Variants in AP3B2 observed in about 807,000 individuals in gnomAD.
AP3B2 encodes the protein AP-3 complex subunit beta-2.
In AP3B2, 50 loss-of-function variants were observed where a neutral mutation model predicts 126.9. That is an observed-to-expected ratio of 0.39 (90% CI 0.31 to 0.50). The LOEUF is 0.50. Ranked by LOEUF, AP3B2 falls within the 20% of genes least tolerant of loss-of-function variation. The pLI is 0.79. For synonymous variants in AP3B2, 541 were observed against 565.0 expected (o/e 0.96, Z 0.60); for missense variants, 1,177 against 1,426.4 (o/e 0.83, Z 2.82).
At chr15:82,679,555 C>T (rs898511725) in intron 10 of AP3B2, among the ~76,000 whole-genome samples, 174 bp downstream of exon 10, 10 of 152,166 alleles carry the variant, frequency 6.6e-5, no homozygotes, top group African/African-American at 2.4e-4. Context: ...CCCTTCTCCC[C>T]CTGACCCTCC....
Position 82,663,831 on chromosome 15 carries a change from C to G in AP3B2, c.2406G>C (p.Gln802His). The change falls in exon 20 of 27, where the codon CAG (glutamine) becomes CAC (histidine). Residue 802 changes from glutamine (Q) to histidine (H), a missense_variant. By Grantham distance (24) the Gln-to-His change is conservative. This residue lies in a region of AP3B2 where 587 missense variants were observed against 571.3 expected (regional missense o/e 1.03). Transcript: ENST00000535359. ...SEMTSESEEE[Q>H]LEPASWSRKT... Reference sequence around the variant, plus strand: ...TCCTGCTCCAGGAGGCAGGTTCTAACTGCTCCTCCTCGGACTCCGATGTCA... The same window carrying G: ...TCCTGCTCCAGGAGGCAGGTTCTAAGTGCTCCTCCTCGGACTCCGATGTCA... The G allele has an allele frequency of 6.2e-7, 1 of 1,613,778 alleles. No individual in the cohort carries two copies. The highest frequency in any genetic ancestry group is 8.5e-7 in the Non-Finnish European group (1 of 1,179,784).
intron 1 of AP3B2, among the ~76,000 whole-genome samples, chr15:82,701,164 A>C (rs1479448893): frequency 6.6e-6 from 1 of 152,132 alleles, no homozygotes; most frequent in East Asian, 1.9e-4. Context: ...CCCAGTCTCC[A>C]TCTGCATTTA....
chr15:82,697,203 G>A (rs956768940), intron 1 of AP3B2, among the ~76,000 whole-genome samples: 6 of 152,070 alleles, frequency 3.9e-5, no homozygotes, highest in Non-Finnish European at 8.8e-5. Flanking sequence ...GTGTGGTGGC[G>A]GGCGTCTGTA....
intron 1 of AP3B2, 95 bp downstream of exon 1, chr15:82,709,499 C>A: frequency 1.2e-6 from 1 of 855,854 alleles, no homozygotes; most frequent in South Asian, 5.4e-5. Context: ...CGGGGCGGGG[C>A]CGGCGCTGGG....
rs529938939 is a variant in AP3B2 at position 82,690,990 on chromosome 15, T to C, written c.114-1537A>G. Among the ~76,000 whole-genome samples the C allele has an allele frequency of 4.3e-4, 48 of 111,370 alleles. No homozygotes were observed. The Middle Eastern group carries it at 0.015, about 34-fold the overall frequency. 73.1% of individuals were successfully genotyped at this position (111,370 alleles called of 152,430 possible). A position where few individuals can be genotyped will look rare whatever the true frequency, so the allele number is the denominator to read the frequency against. On this transcript the variant is annotated intron_variant, in intron 1 of 26. Coordinates refer to ENST00000535359, the MANE Select transcript of AP3B2 (RefSeq NM_001278512.2). Reference sequence around the variant, plus strand: ...CCACCGCACCCAGCCATGCCACATGTTCTTAATCCAGTCTATCACTGATGG... The same window carrying C: ...CCACCGCACCCAGCCATGCCACATGCTCTTAATCCAGTCTATCACTGATGG...
At chr15:82,708,503 C>T (rs1016920814) in intron 1 of AP3B2, among the ~76,000 whole-genome samples, 1 of 152,030 alleles carries the variant, frequency 6.6e-6, no homozygotes, top group Non-Finnish European at 1.5e-5. Context: ...AATCTTCTGC[C>T]TCTCCCCTGG....
At position 82,665,784 on chromosome 15, in the gene AP3B2, C is replaced by G. The variant is rs1384311265; in HGVS notation, c.1853-209G>C. On this transcript the variant is annotated intron_variant, in intron 15 of 26. Transcript: ENST00000535359. This position sits in a 1 kb window ranked among gnomAD's most constrained non-coding sequence, Gnocchi z 4.4. ...AAAAGGCTGTCTGGCCAGGCCAGAG[C>G]AGGGACTGAGGGCCAGGGAAAGGCA... 6.6e-6 allele frequency among the ~76,000 whole-genome samples: 1 copy of G among 152,174 alleles called. No individual in the cohort carries two copies. Among genetic ancestry groups the G allele is most frequent in the African/African-American group, 2.4e-5 (1 of 41,434 alleles).
chr15:82,695,253 CCACACCTGG>C (rs1189707234), intron 1 of AP3B2, among the ~76,000 whole-genome samples: 1 of 152,024 alleles, frequency 6.6e-6, no homozygotes, highest in African/African-American at 2.4e-5. Context: ...TTGCCCACCA[CCACACCTGG>C]CAAATTTTTG....
intron 1 of AP3B2, among the ~76,000 whole-genome samples, chr15:82,704,106 G>C (rs754592018): frequency 2.2e-4 from 33 of 152,060 alleles, no homozygotes; most frequent in Non-Finnish European, 7.4e-5. Context: ...TCCTTTATCC[G>C]ACCTCTGCCA....
chr15:82,700,412 T>TTTTTTTTTTTTTTTTTTTTTTG (rs2048701476), intron 1 of AP3B2, among the ~76,000 whole-genome samples: 1 of 130,428 alleles, frequency 7.7e-6, no homozygotes, highest in Non-Finnish European at 1.6e-5. Flanking sequence ...TTTTTTTTTT[T>TTTTTTTTTTTTTTTTTTTTTTG]TTTCAGATGG....
Position 82,677,700 on chromosome 15 carries a change from C to A in AP3B2, c.1349G>T (p.Gly450Val). ...ACGGTTGGACAGCAGCTGCACCAGG[C>A]CATTGAGGCAGGTGTCACGGACTCG... The part of the protein sequence containing the change: ...IGRVRDTCLN[G>V]LVQLLSNRDE... The change falls in exon 12 of 27, where the codon GGC becomes GTC. Residue 450 changes from glycine to valine, a missense_variant. Transcript: ENST00000535359. 6.3e-7 allele frequency: 1 copy of A among 1,585,068 alleles called. No homozygotes were observed. The highest frequency in any genetic ancestry group is 8.6e-7 in the Non-Finnish European group (1 of 1,165,452).
chr15:82,676,985 C>G (rs1021871168), intron 13 of AP3B2, among the ~76,000 whole-genome samples: 1 of 152,166 alleles, frequency 6.6e-6, no homozygotes, highest in Non-Finnish European at 1.5e-5. Flanking sequence ...TTCAGCTTAG[C>G]AGTGCGATAG....
chr15:82,685,935 C>G (rs950370440), intron 4 of AP3B2: 2 of 152,086 alleles, frequency 1.3e-5, no homozygotes, highest in African/African-American at 4.8e-5. Flanking sequence ...AAGATCCTTC[C>G]TAACAAGATA....
At chr15:82,677,932 T>G in intron 11 of AP3B2, 129 bp from the exon 12 acceptor site, 2 of 1,333,010 alleles carry the variant, frequency 1.5e-6, no homozygotes, top group Middle Eastern at 3.9e-4. Flanking sequence ...GGGTGACAAC[T>G]CCACCCCCAA....
chr15:82,689,256 G>A, intron 2 of AP3B2, 24 bp from the exon 3 acceptor site: 2 of 1,613,872 alleles, frequency 1.2e-6, no homozygotes, highest in South Asian at 1.1e-5. Context: ...TCAAGGTAGG[G>A]GAAGAGGGAC....
chr15:82,664,372 A>G lies in AP3B2; in HGVS notation c.2256T>C (p.Ser752=). 6.2e-7 allele frequency: 1 copy of G among 1,613,570 alleles called. No homozygotes were observed. The highest frequency in any genetic ancestry group is 1.1e-5 in the South Asian group (1 of 91,052). The change falls in exon 19 of 27, where the codon AGT becomes AGC. Residue 752 remains serine (S), a synonymous_variant. Coordinates refer to ENST00000535359, the MANE Select transcript of AP3B2 (RefSeq NM_001278512.2). This position sits in a 1 kb window ranked among gnomAD's most constrained non-coding sequence, Gnocchi z 4.5. ...QDEDEEKGRG[S]ESEQSEEDGK... ...CTGGCTAGCTCCCTTCTCACCTCTC[A>G]CTGCCTCTCCCTTTCTCCTCATCCT...
chr15:82,665,010 C>T lies in AP3B2; in HGVS notation c.2029-67G>A. On this transcript the variant is annotated intron_variant, in intron 17 of 26. Coordinates refer to ENST00000535359, the MANE Select transcript of AP3B2 (RefSeq NM_001278512.2). The surrounding 1 kb of genome is among the most constrained non-coding windows in gnomAD (Gnocchi z 4.4). The stretch of plus-strand genomic sequence containing the variant: ...GGGGAGAAGGCAGGCAGGCACAAGC[C>T]CTTACCCTTTATTCCACCTCTTTGT... 1 of 1,286,722 alleles carries T rather than the reference C, an allele frequency of 7.8e-7. No individual in the cohort carries two copies. Among genetic ancestry groups the T allele is most frequent in the Non-Finnish European group, 1.1e-6 (1 of 905,202 alleles). 79.7% of individuals were successfully genotyped at this position (1,286,722 alleles called of 1,614,324 possible). A position where few individuals can be genotyped will look rare whatever the true frequency, so the allele number is the denominator to read the frequency against.
Position 82,664,107 on chromosome 15 carries a change from T to C in AP3B2, c.2262-132A>G, listed in dbSNP as rs2048008481. The C allele has an allele frequency of 2.1e-6, 3 of 1,408,952 alleles. No homozygotes were observed. Among genetic ancestry groups the C allele is most frequent in the African/African-American group, 2.9e-5 (2 of 69,376 alleles). 87.3% of individuals were successfully genotyped at this position (1,408,952 alleles called of 1,614,324 possible). Reference sequence around the variant, plus strand: ...CCAGGAGGGTTCACACCTGAGGTCCTATAGCAGGGACCCCGTGAGAGCTTG... The same window carrying C: ...CCAGGAGGGTTCACACCTGAGGTCCCATAGCAGGGACCCCGTGAGAGCTTG... On this transcript the variant is annotated intron_variant, in intron 19 of 26. Coordinates refer to ENST00000535359, the MANE Select transcript of AP3B2 (RefSeq NM_001278512.2). This position sits in a 1 kb window ranked among gnomAD's most constrained non-coding sequence, Gnocchi z 4.5.
chr15:82,695,052 G>A (rs1191123281), intron 1 of AP3B2, among the ~76,000 whole-genome samples: 1 of 151,390 alleles, frequency 6.6e-6, no homozygotes, highest in African/African-American at 2.4e-5. Context: ...GGTGATAGAA[G>A]CATCTTTTGT....
Sources: allele counts gnomAD v4.1 joint callset (sites outside exome capture counted in the v4.1 genomes callset), GRCh38; gene constraint gnomAD v4.1.1; regional missense constraint gnomAD v4.1.1; non-coding constraint Gnocchi (gnomAD v3.1); transcripts MANE v1.5; gene names NCBI Gene and HGNC (gene_info 2026-07-23, HGNC 2026-07-21).